The following DSCAM variants were observed in gnomAD, a reference collection of about 807,000 sequenced individuals.
The protein encoded by DSCAM is DS cell adhesion molecule, also known as cell adhesion molecule DSCAM.
In DSCAM, 47 loss-of-function variants were observed where a neutral mutation model predicts 217.7. The observed-to-expected ratio is 0.22, with a 90% CI of 0.17 to 0.28. DSCAM has a LOEUF of 0.28. DSCAM is among the 10% of genes least tolerant of loss of function. The probability of loss-of-function intolerance (pLI) is 1.00; values close to 1 mark genes in which losing one functional copy is unlikely to be tolerated. For missense variants in DSCAM, 2,080 were observed against 2,618.3 expected (o/e 0.79, Z 4.49); for synonymous variants, 1,056 against 1,015.3 (o/e 1.04, Z -0.76).
chr21:40,553,071 G>T (rs987858588), intron 3 of DSCAM, among the ~76,000 whole-genome samples: 6 of 152,172 alleles, frequency 3.9e-5, no homozygotes, highest in Non-Finnish European at 7.4e-5. Flanking sequence ...GCACTGAATT[G>T]TAAGATATTA....
At chr21:40,364,442 A>G (rs1601588716) in intron 4 of DSCAM, among the ~76,000 whole-genome samples, 1 of 148,612 alleles carries the variant, frequency 6.7e-6, no homozygotes, top group East Asian at 2.0e-4. Flanking sequence ...AAAACCAAAC[A>G]CCGCATGTTC....
At chr21:40,506,096 C>T (rs936698500) in intron 3 of DSCAM, among the ~76,000 whole-genome samples, 1 of 152,152 alleles carries the variant, frequency 6.6e-6, no homozygotes, top group African/African-American at 2.4e-5. Context: ...ACTGAAGGAA[C>T]TTTTTTACTA....
At chr21:40,517,209 T>C in intron 3 of DSCAM, among the ~76,000 whole-genome samples, 1 of 149,244 alleles carries the variant, frequency 6.7e-6, no homozygotes, top group East Asian at 1.9e-4. Flanking sequence ...TACATATATA[T>C]GCACACATAT....
At chr21:40,051,858 G>A in intron 30 of DSCAM, 100 bp downstream of exon 30, 1 of 1,454,602 alleles carries the variant, frequency 6.9e-7, no homozygotes, top group Non-Finnish European at 9.3e-7. Flanking sequence ...CTCAGGCATA[G>A]GTATGAAAAG....
intron 1 of DSCAM, among the ~76,000 whole-genome samples, chr21:40,712,330 G>A (rs1028695784): frequency 9.9e-5 from 15 of 151,662 alleles, no homozygotes; most frequent in African/African-American, 3.6e-4. Context: ...GGGCACGGTG[G>A]CGGGCGCCTG....
chr21:40,158,491 G>C (rs578122490), intron 16 of DSCAM, among the ~76,000 whole-genome samples: 6 of 152,348 alleles, frequency 3.9e-5, no homozygotes, highest in African/African-American at 1.4e-4. Context: ...GAATGTGCTA[G>C]AAGCATTCAG....
chr21:40,097,516 T>C (rs1308794039), intron 20 of DSCAM, among the ~76,000 whole-genome samples: 1 of 151,918 alleles, frequency 6.6e-6, no homozygotes, highest in Non-Finnish European at 1.5e-5. Context: ...AAATAGCAAA[T>C]AGCACTACAC....
chr21:40,837,869 T>G (rs2092069399), intron 1 of DSCAM, among the ~76,000 whole-genome samples: 1 of 152,228 alleles, frequency 6.6e-6, no homozygotes, highest in African/African-American at 2.4e-5. Context: ...AAAGCATTGT[T>G]ATTTCTACCC....
intron 11 of DSCAM, among the ~76,000 whole-genome samples, chr21:40,219,608 T>C (rs1291724826): frequency 6.6e-6 from 1 of 152,146 alleles, no homozygotes; most frequent in Non-Finnish European, 1.5e-5. Flanking sequence ...AATTAATGAG[T>C]CAAAAGACAT....
At chr21:40,700,388 G>C (rs2090642559) in intron 2 of DSCAM, among the ~76,000 whole-genome samples, 1 of 152,180 alleles carries the variant, frequency 6.6e-6, no homozygotes, top group African/African-American at 2.4e-5. Context: ...GGTTTTCTGA[G>C]AGTTCTTTTA....
At chr21:40,727,599 T>C (rs759808645) in intron 1 of DSCAM, among the ~76,000 whole-genome samples, 29 of 152,160 alleles carry the variant, frequency 1.9e-4, no homozygotes, top group Non-Finnish European at 5.9e-5. Flanking sequence ...ACCCTGCATC[T>C]GCCTTGTGCC....
intron 32 of DSCAM, among the ~76,000 whole-genome samples, chr21:40,022,780 C>CTT (rs35238261): frequency 0.18 from 26,235 of 148,938 alleles, 2,437 homozygotes; most frequent in Middle Eastern, 0.23. Flanking sequence ...ACAATACATT[C>CTT]TTTTTTTTTT....
At chr21:40,064,547 C>T (rs986449862) in intron 27 of DSCAM, among the ~76,000 whole-genome samples, 6 of 152,268 alleles carry the variant, frequency 3.9e-5, no homozygotes, top group African/African-American at 1.4e-4. Context: ...GTGCAGGCAT[C>T]CTCCCCAAGG....
intron 3 of DSCAM, among the ~76,000 whole-genome samples, chr21:40,612,792 G>C (rs1376546294): frequency 6.6e-6 from 1 of 152,204 alleles, no homozygotes; most frequent in Non-Finnish European, 1.5e-5. Flanking sequence ...CCAGAATGTG[G>C]CAGGAATATG....
At chr21:40,793,616 G>A (rs980624426) in intron 1 of DSCAM, among the ~76,000 whole-genome samples, 6 of 151,830 alleles carry the variant, frequency 4.0e-5, no homozygotes, top group Admixed American at 2.0e-4. Context: ...TCAGCCTCCC[G>A]GGTAGCTGGG....
intron 11 of DSCAM, among the ~76,000 whole-genome samples, chr21:40,211,243 C>T (rs1419947913): frequency 1.3e-5 from 2 of 152,152 alleles, no homozygotes; most frequent in African/African-American, 4.8e-5. Flanking sequence ...ATGGATGGAC[C>T]ATAGATTTTT....
rs1020990577 is a variant in DSCAM, at chr21:40,579,857, A to G, written c.508+112953T>C. ...AAAAAAGTGAAGATTTTTCTTTGGT[A>G]CTAAGAGGGTGTCACACTCACATGT... On this transcript the variant is annotated intron_variant, in intron 3 of 32. Transcript: ENST00000400454. 4.6e-5 allele frequency among the ~76,000 whole-genome samples: 7 copies of G among 152,088 alleles called. No individual in the cohort carries two copies. In the South Asian group the frequency reaches 1.5e-3, roughly 32 times the overall value.
chr21:40,763,399 A>G (rs960489660), intron 1 of DSCAM, among the ~76,000 whole-genome samples: 2 of 152,152 alleles, frequency 1.3e-5, no homozygotes, highest in African/African-American at 2.4e-5. Context: ...ATGCGATAAG[A>G]CCTCTTCAAG....
At chr21:40,836,155 G>T (rs1165911139) in intron 1 of DSCAM, among the ~76,000 whole-genome samples, 1 of 152,158 alleles carries the variant, frequency 6.6e-6, no homozygotes, top group Non-Finnish European at 1.5e-5. Context: ...AGCTTGTTCA[G>T]TAGAGTTACC....
Sources: allele counts gnomAD v4.1 joint callset (sites outside exome capture counted in the v4.1 genomes callset), GRCh38; gene constraint gnomAD v4.1.1; transcripts MANE v1.5; gene names NCBI Gene and HGNC (gene_info 2026-07-23, HGNC 2026-07-21).